Variants in PTBP3 observed in about 807,000 individuals in gnomAD.
PTBP3 encodes the protein polypyrimidine tract-binding protein 3.
In PTBP3, 20 loss-of-function variants were observed where a neutral mutation model predicts 58.7. That is an observed-to-expected ratio of 0.34 (90% CI 0.24 to 0.50). The LOEUF (loss-of-function observed/expected upper bound fraction) is 0.50, where lower values mean the gene tolerates loss of function less well. Ranked by LOEUF, PTBP3 falls within the 20% of genes least tolerant of loss-of-function variation. The probability of loss-of-function intolerance (pLI) is 0.98; values close to 1 mark genes in which losing one functional copy is unlikely to be tolerated. For synonymous variants in PTBP3, 185 were observed against 219.8 expected (o/e 0.84, Z 1.40); for missense variants, 509 against 637.2 (o/e 0.80, Z 2.17).
intron 2 of PTBP3, among the ~76,000 whole-genome samples, chr9:112,276,552 A>G (rs771280989): frequency 1.3e-5 from 2 of 152,010 alleles, no homozygotes; most frequent in Admixed American, 6.6e-5. Context: ...GTGGTTTCCT[A>G]TGATAATCTT....
intron 2 of PTBP3, chr9:112,281,031 G>A (rs534675840): frequency 1.3e-5 from 2 of 152,102 alleles, no homozygotes; most frequent in East Asian, 3.9e-4. Flanking sequence ...CTTGTTGCTG[G>A]GCACAGTGGC....
chr9:112,299,484 T>G (rs750514046), intron 1 of PTBP3, among the ~76,000 whole-genome samples: 1 of 152,084 alleles, frequency 6.6e-6, no homozygotes, highest in African/African-American at 2.4e-5. Flanking sequence ...AGGGTTTATA[T>G]CCAGCACGTA....
At chr9:112,352,377 T>C in the PTBP3 span, among the ~76,000 whole-genome samples, 2 of 152,336 alleles carry the variant, frequency 1.3e-5, no homozygotes, top group South Asian at 4.1e-4. Flanking sequence ...CTTCTAGTGC[T>C]TATTTACTCT....
chr9:112,356,661 A>C, the PTBP3 span, among the ~76,000 whole-genome samples: 1 of 151,746 alleles, frequency 6.6e-6, no homozygotes, highest in African/African-American at 2.4e-5. Flanking sequence ...GCAATTGTCT[A>C]CTGAGGGAAT....
At chr9:112,287,402 C>T (rs185242519) in intron 2 of PTBP3, among the ~76,000 whole-genome samples, 3 of 127,076 alleles carry the variant, frequency 2.4e-5, no homozygotes, top group Non-Finnish European at 3.1e-5. Context: ...TGAAGTGGTA[C>T]GATCTCGGCT....
At chr9:112,328,782 AAAAC>A (rs1283268952) in intron 1 of PTBP3, among the ~76,000 whole-genome samples, 1 of 152,210 alleles carries the variant, frequency 6.6e-6, no homozygotes, top group African/African-American at 2.4e-5. Flanking sequence ...GACAGAGTTA[AAAAC>A]AAACAAAAAA....
At chr9:112,264,689 G>T (rs1467006521) in intron 4 of PTBP3, among the ~76,000 whole-genome samples, 4 of 152,106 alleles carry the variant, frequency 2.6e-5, no homozygotes, top group Admixed American at 1.3e-4. Flanking sequence ...AAAAATTATT[G>T]CATTTTATCA....
At chr9:112,270,274 C>A (rs1453758218) in intron 3 of PTBP3, among the ~76,000 whole-genome samples, 1 of 152,084 alleles carries the variant, frequency 6.6e-6, no homozygotes, top group Non-Finnish European at 1.5e-5. Flanking sequence ...AATTAACACC[C>A]ATGTTACATT....
intron 2 of PTBP3, among the ~76,000 whole-genome samples, chr9:112,296,217 A>G (rs1244671123): frequency 3.3e-5 from 5 of 151,520 alleles, no homozygotes; most frequent in African/African-American, 9.8e-5. Context: ...AACAACACCT[A>G]AACAGAATTT....
At chr9:112,248,553 C>T (rs150833084) in intron 7 of PTBP3, among the ~76,000 whole-genome samples, 2 of 152,176 alleles carry the variant, frequency 1.3e-5, no homozygotes, top group African/African-American at 4.8e-5. Context: ...ATATGTCCAA[C>T]CTCATTAGTA....
At chr9:112,301,533 C>A (rs1255214646) in intron 1 of PTBP3, among the ~76,000 whole-genome samples, 5 of 151,956 alleles carry the variant, frequency 3.3e-5, no homozygotes, top group African/African-American at 1.2e-4. Flanking sequence ...ATTTCACCTA[C>A]AGTATTCTCA....
At chr9:112,231,955 A>G (rs1835225248) in intron 9 of PTBP3, 144 bp downstream of exon 9, 1 of 378,594 alleles carries the variant, frequency 2.6e-6, no homozygotes, top group Non-Finnish European at 4.4e-6. Flanking sequence ...AAGAGAAGAG[A>G]AGAGAAGAGA....
At chr9:112,262,390 G>A (rs768957084) in intron 5 of PTBP3, 45 bp downstream of exon 5, 7 of 1,442,252 alleles carry the variant, frequency 4.9e-6, no homozygotes, top group Non-Finnish European at 6.5e-6. Context: ...AGTTTCAGAG[G>A]CCATATTTAA....
At chr9:112,275,429 C>T (rs1827568930) in intron 3 of PTBP3, among the ~76,000 whole-genome samples, 1 of 152,130 alleles carries the variant, frequency 6.6e-6, no homozygotes, top group Non-Finnish European at 1.5e-5. Context: ...GCCACTGCAC[C>T]CGGCCGACAA....
At chr9:112,377,601 C>T in the PTBP3 span, among the ~76,000 whole-genome samples, 11 of 152,126 alleles carry the variant, frequency 7.2e-5, no homozygotes, top group East Asian at 1.9e-4. Context: ...AGCCAAATTA[C>T]ATTAATGTTG....
chr9:112,290,006 C>CA (rs1245033653), intron 2 of PTBP3, among the ~76,000 whole-genome samples: 1 of 152,006 alleles, frequency 6.6e-6, no homozygotes, highest in Non-Finnish European at 1.5e-5. Flanking sequence ...AATTTGCAGA[C>CA]AATTGAAGAA....
intron 3 of PTBP3, among the ~76,000 whole-genome samples, chr9:112,270,580 C>G (rs1171681711): frequency 6.6e-6 from 1 of 152,122 alleles, no homozygotes; most frequent in African/African-American, 2.4e-5. Flanking sequence ...AAAAAGGCAT[C>G]TGAAATTCCA....
intron 1 of PTBP3, among the ~76,000 whole-genome samples, chr9:112,329,845 C>CTT (rs10660630): frequency 0.81 from 106,865 of 131,794 alleles, 43,588 homozygotes; most frequent in South Asian, 0.91. Context: ...CTAGGCTACA[C>CTT]TTTTTTTTTT....
chr9:112,294,931 A>G (rs1228322491), intron 2 of PTBP3, among the ~76,000 whole-genome samples: 2 of 152,228 alleles, frequency 1.3e-5, no homozygotes, highest in Non-Finnish European at 2.9e-5. Context: ...GCTGTATATA[A>G]CAATATTTGA....
Sources: gnomAD v4.1 joint callset for allele counts (sites outside exome capture counted in the v4.1 genomes callset) on GRCh38, gnomAD v4.1.1 for gene constraint, MANE v1.5 for transcripts, NCBI Gene and HGNC (gene_info 2026-07-23, HGNC 2026-07-21) for gene names.